GRIP1: variants seen among roughly 807,000 people sequenced by gnomAD.
GRIP1 encodes the protein glutamate receptor interacting protein 1.
A neutral mutation model predicts 129.9 loss-of-function variants in GRIP1; 45 were observed. The ratio of observed to expected loss-of-function variants is 0.35; its 90% confidence interval spans 0.27 to 0.44. The LOEUF is 0.44. Among genes scored for constraint, GRIP1 ranks in the 20% least tolerant of loss-of-function variants. The pLI is 1.00. For missense variants in GRIP1, 1,196 were observed against 1,396.8 expected, an observed-to-expected ratio of 0.86 and a Z score of 2.29; for synonymous variants, 530 against 520.8, an observed-to-expected ratio of 1.02 and a Z score of -0.24.
intron 1 of GRIP1, among the ~76,000 whole-genome samples, chr12:66,823,602 G>A (rs1482286733): frequency 1.3e-5 from 2 of 151,970 alleles, no homozygotes; most frequent in Admixed American, 1.3e-4. Context: ...TTAAGATTTT[G>A]TACTTTGATA....
chr12:66,656,589 G>A (rs2033172913), intron 1 of GRIP1, among the ~76,000 whole-genome samples: 1 of 152,068 alleles, frequency 6.6e-6, no homozygotes, highest in Non-Finnish European at 1.5e-5. Flanking sequence ...CTGTATCCTA[G>A]CTTCTAAGAA....
At chr12:66,600,832 A>G (rs937717809) in intron 1 of GRIP1, among the ~76,000 whole-genome samples, 1 of 152,236 alleles carries the variant, frequency 6.6e-6, no homozygotes, top group Non-Finnish European at 1.5e-5. Context: ...GGGGCAAAGC[A>G]GACATTCAGC....
intron 1 of GRIP1, among the ~76,000 whole-genome samples, chr12:66,776,591 G>A (rs1158746497): frequency 6.6e-6 from 1 of 152,150 alleles, no homozygotes; most frequent in Admixed American, 6.5e-5. Context: ...AATAAAGAGT[G>A]GAACACAAGG....
At position 66,529,820 on chromosome 12, in the gene GRIP1, C is replaced by T; in HGVS notation, c.502+11G>A. On this transcript the variant is annotated intron_variant, in intron 5 of 24. Coordinates refer to ENST00000359742, the MANE Select transcript of GRIP1 (RefSeq NM_001366722.1). ...TTTTTTTTAAAGTAGATTTTTCTAA[C>T]CAACACCTACCTCGAATTACAAAAC... 1 of 1,474,422 alleles carries T rather than the reference C, an allele frequency of 6.8e-7. No individual in the cohort carries two copies. The highest frequency in any genetic ancestry group is 1.1e-5 in the South Asian group (1 of 88,300). 91.3% of individuals were successfully genotyped at this position (1,474,422 alleles called of 1,614,324 possible). A position where few individuals can be genotyped will look rare whatever the true frequency, so the allele number is the denominator to read the frequency against.
rs79074675 is a variant in GRIP1, at chr12:66,870,930, T to C, written c.58+198120A>G. 7.6e-3 allele frequency among the ~76,000 whole-genome samples: 1,153 copies of C among 152,284 alleles called. 4 individuals carry two copies. The highest frequency in any genetic ancestry group is 0.013 in the Non-Finnish European group (863 of 68,000). ...CATTGCACTGGAAACTTTAACATTATAGCTCTCGCAGTAGTTGAGAATGTG... is the reference window on the plus strand; with the variant it reads ...CATTGCACTGGAAACTTTAACATTACAGCTCTCGCAGTAGTTGAGAATGTG... On this transcript the variant is annotated intron_variant, in intron 1 of 1. Transcript: ENST00000643019.
chr12:66,415,172 G>T (rs1026003020), intron 15 of GRIP1, among the ~76,000 whole-genome samples: 1 of 151,972 alleles, frequency 6.6e-6, no homozygotes, highest in Non-Finnish European at 1.5e-5. Context: ...CACAGCAAAA[G>T]AAACTATCAT....
chr12:66,489,594 T>C (rs890195284), intron 7 of GRIP1, among the ~76,000 whole-genome samples: 18 of 152,072 alleles, frequency 1.2e-4, no homozygotes, highest in African/African-American at 3.1e-4. Flanking sequence ...CTATTCAACA[T>C]AGTATTGGAA....
intron 19 of GRIP1, among the ~76,000 whole-genome samples, chr12:66,382,686 C>T (rs1305101066): frequency 6.6e-6 from 1 of 152,164 alleles, no homozygotes; most frequent in East Asian, 1.9e-4. Flanking sequence ...ATCATTAATG[C>T]AGTAAACACT....
rs182882207 is a variant in GRIP1, at chr12:66,451,004, G to A, written c.1354+4405C>T. Among the ~76,000 whole-genome samples, 23 of 152,246 alleles carry A rather than the reference G, an allele frequency of 1.5e-4. No individual in the cohort carries two copies. The East Asian group carries it at 4.1e-3, about 27-fold the overall frequency. Reference sequence around the variant, plus strand: ...AGATGCTTCCGCAAGGTATTCAGTCGTCATTGCTGCAAGCTACCGGCTTTG... The same window carrying A: ...AGATGCTTCCGCAAGGTATTCAGTCATCATTGCTGCAAGCTACCGGCTTTG... On this transcript the variant is annotated intron_variant, in intron 11 of 24. Coordinates refer to ENST00000359742, the MANE Select transcript of GRIP1 (RefSeq NM_001366722.1).
At chr12:66,851,004 A>G (rs1828790747) in intron 1 of GRIP1, among the ~76,000 whole-genome samples, 2 of 149,580 alleles carry the variant, frequency 1.3e-5, no homozygotes, top group South Asian at 4.3e-4. Flanking sequence ...TATTGATTGA[A>G]TGATTTATAC....
chr12:66,885,897 G>A (rs903839185), intron 1 of GRIP1, among the ~76,000 whole-genome samples: 1 of 152,272 alleles, frequency 6.6e-6, no homozygotes, highest in Middle Eastern at 3.4e-3. Context: ...TGGAATTCAG[G>A]TATACAAAAA....
intron 1 of GRIP1, among the ~76,000 whole-genome samples, chr12:66,666,824 T>C (rs1375890320): frequency 1.3e-5 from 2 of 152,134 alleles, no homozygotes; most frequent in African/African-American, 4.8e-5. Context: ...TATTTTATGC[T>C]CACCCTTGAT....
At chr12:66,599,504 A>C (rs547394170) in intron 1 of GRIP1, among the ~76,000 whole-genome samples, 18 of 152,278 alleles carry the variant, frequency 1.2e-4, no homozygotes, top group African/African-American at 4.1e-4. Context: ...GGCCTTTTAT[A>C]AAAAGCTACC....
At chr12:66,637,881 T>C (rs1453953231) in intron 1 of GRIP1, among the ~76,000 whole-genome samples, 1 of 152,168 alleles carries the variant, frequency 6.6e-6, no homozygotes, top group Non-Finnish European at 1.5e-5. Flanking sequence ...CAAGCAAAAT[T>C]CTGATATAAT....
At chr12:66,550,967 A>G (rs2062106958) in intron 2 of GRIP1, among the ~76,000 whole-genome samples, 1 of 152,210 alleles carries the variant, frequency 6.6e-6, no homozygotes, top group Non-Finnish European at 1.5e-5. Flanking sequence ...TCCTTTGGAA[A>G]AACTTTCCAT....
chr12:67,036,997 C>T (rs988830023), intron 1 of GRIP1, among the ~76,000 whole-genome samples: 3 of 152,044 alleles, frequency 2.0e-5, no homozygotes, highest in Admixed American at 6.6e-5. Context: ...GGGGAATACA[C>T]ATGCATACTT....
intron 1 of GRIP1, among the ~76,000 whole-genome samples, chr12:66,605,948 A>G (rs7315608): frequency 0.34 from 51,225 of 151,946 alleles, 8,937 homozygotes; most frequent in Non-Finnish European, 0.37. Context: ...TATAACCTTG[A>G]GTAACATTTT....
At chr12:66,723,279 C>T (rs1254072100) in intron 1 of GRIP1, among the ~76,000 whole-genome samples, 2,344 of 14,228 alleles carry the variant, frequency 0.16, 198 homozygotes, top group African/African-American at 0.32. Flanking sequence ...TTCCTTCCTT[C>T]CTTCCTTTCT....
chr12:67,057,573 A>C (rs921018267), intron 1 of GRIP1, among the ~76,000 whole-genome samples: 1 of 152,106 alleles, frequency 6.6e-6, no homozygotes, highest in Non-Finnish European at 1.5e-5. Flanking sequence ...GTCTGAGTAA[A>C]TGCAGTTATT....
Sources: gnomAD v4.1 joint callset for allele counts (sites outside exome capture counted in the v4.1 genomes callset) on GRCh38, gnomAD v4.1.1 for gene constraint, MANE v1.5 for transcripts, NCBI Gene and HGNC (gene_info 2026-07-23, HGNC 2026-07-21) for gene names.